Variants in POU3F3 observed in about 807,000 individuals in gnomAD.
POU3F3 encodes POU class 3 homeobox 3, also known as POU domain, class 3, transcription factor 3.
POU3F3 carries 1 observed loss-of-function variant against 8.6 expected under a neutral mutation model. The observed-to-expected ratio is 0.12, with a 90% confidence interval of 0.04 to 0.55. The LOEUF (loss-of-function observed/expected upper bound fraction) is 0.55, where lower values mean the gene tolerates loss of function less well. Among genes scored for constraint, POU3F3 ranks in the 20% least tolerant of loss-of-function variants. The pLI is 0.91. For missense variants in POU3F3, 577 were observed against 690.7 expected, an observed-to-expected ratio of 0.84 and a Z score of 1.84; for synonymous variants, 418 against 327.4, an observed-to-expected ratio of 1.28 and a Z score of -2.99.
chr2:104,921,533 T>C, the POU3F3 span, among the ~76,000 whole-genome samples: 1 of 152,166 alleles, frequency 6.6e-6, no homozygotes, highest in Admixed American at 6.5e-5. Context: ...ATACATGGGT[T>C]CCTGGAGCAG....
Position 104,858,262 on chromosome 2 carries a change from C to T in POU3F3, c.*1249C>T, listed in dbSNP as rs541891446. ...TTTTTGGTAGGTTTTAATAAACAGACTTTTCAAAAGACGGCAATATAGAAT... is the reference window on the plus strand; with the variant it reads ...TTTTTGGTAGGTTTTAATAAACAGATTTTTCAAAAGACGGCAATATAGAAT... On this transcript the variant is annotated 3_prime_UTR_variant, in exon 1 of 1. Coordinates refer to ENST00000361360, the MANE Select transcript of POU3F3 (RefSeq NM_006236.3). 2.6e-5 allele frequency: 4 copies of T among 152,212 alleles called. No individual in the cohort carries two copies. The highest frequency in any genetic ancestry group is 1.3e-4 in the Admixed American group (2 of 15,304). 9.4% of individuals were successfully genotyped at this position (152,212 alleles called of 1,614,324 possible).
At chr2:104,923,121 G>A in the POU3F3 span, among the ~76,000 whole-genome samples, 2 of 152,078 alleles carry the variant, frequency 1.3e-5, no homozygotes, top group Non-Finnish European at 1.5e-5. Context: ...ATTACCACTA[G>A]GCCTACCCTG....
the POU3F3 span, among the ~76,000 whole-genome samples, chr2:104,898,876 T>C: frequency 1.3e-5 from 2 of 151,994 alleles, no homozygotes; most frequent in Non-Finnish European, 2.9e-5. Context: ...GGAATCAACA[T>C]TTTTTTTACC....
At chr2:104,917,674 C>A in the POU3F3 span, among the ~76,000 whole-genome samples, 1 of 152,128 alleles carries the variant, frequency 6.6e-6, no homozygotes, top group African/African-American at 2.4e-5. Context: ...TGAAACTATC[C>A]ACTTGGTTTC....
chr2:104,871,519 G>C, the POU3F3 span, among the ~76,000 whole-genome samples: 1,542 of 152,226 alleles, frequency 0.01, 37 homozygotes, highest in East Asian at 0.029. Context: ...TGATCTGATT[G>C]GTGCTTTATT....
the POU3F3 span, among the ~76,000 whole-genome samples, chr2:104,892,639 A>G: frequency 6.6e-6 from 1 of 150,582 alleles, no homozygotes; most frequent in Non-Finnish European, 1.5e-5. Context: ...CTGATTTTAT[A>G]TATATATATG....
At chr2:104,922,022 C>T in the POU3F3 span, among the ~76,000 whole-genome samples, 1 of 152,126 alleles carries the variant, frequency 6.6e-6, no homozygotes, top group Admixed American at 6.6e-5. Flanking sequence ...ACCACATATT[C>T]AGGAATTTAG....
At chr2:104,909,621 G>A in the POU3F3 span, among the ~76,000 whole-genome samples, 3 of 152,352 alleles carry the variant, frequency 2.0e-5, no homozygotes, top group Admixed American at 2.0e-4. Context: ...ACTGGCTGCG[G>A]GCTGGGCCAG....
At chr2:104,893,041 G>A in the POU3F3 span, among the ~76,000 whole-genome samples, 1 of 152,170 alleles carries the variant, frequency 6.6e-6, no homozygotes, top group Admixed American at 6.5e-5. Context: ...CCCAAAATGT[G>A]TAAGGAGAGG....
the POU3F3 span, among the ~76,000 whole-genome samples, chr2:104,896,163 G>A: frequency 3.9e-5 from 6 of 152,362 alleles, 1 homozygote; most frequent in South Asian, 1.2e-3. Context: ...CCAGCTCCAA[G>A]GAAGCCAGAA....
the POU3F3 span, among the ~76,000 whole-genome samples, chr2:104,877,227 G>A: frequency 6.6e-6 from 1 of 152,184 alleles, no homozygotes; most frequent in Non-Finnish European, 1.5e-5. Context: ...AGAGAATCAC[G>A]GTGGGTAGGA....
chr2:104,924,487 G>A, the POU3F3 span, among the ~76,000 whole-genome samples: 1 of 152,110 alleles, frequency 6.6e-6, no homozygotes, highest in African/African-American at 2.4e-5. Context: ...CCCTCCCTTG[G>A]CCTACTCTGA....
At chr2:104,873,345 G>T in the POU3F3 span, among the ~76,000 whole-genome samples, 1 of 152,176 alleles carries the variant, frequency 6.6e-6, no homozygotes, top group Admixed American at 6.5e-5. Context: ...CTCCGGGAGA[G>T]TGGCCAGGGC....
the POU3F3 span, among the ~76,000 whole-genome samples, chr2:104,886,429 C>G: frequency 6.6e-6 from 1 of 152,236 alleles, no homozygotes; most frequent in East Asian, 1.9e-4. Context: ...TCCATAGAGC[C>G]TACGTGTGTA....
In POU3F3 at chr2:104,856,560, C is replaced by G; in HGVS notation, c.1050C>G (p.Leu350=). Residue 350 remains leucine (L), a synonymous_variant, in exon 1 of 1, where the codon CTC becomes CTG. Coordinates refer to ENST00000361360, the MANE Select transcript of POU3F3 (RefSeq NM_006236.3). ...ACGTGGGGTTGGCGCTGGGCACACT[C>G]TACGGCAACGTGTTCTCGCAGACCA... The part of the protein sequence containing the change: ...QADVGLALGT[L]YGNVFSQTTI... 1 of 1,614,168 alleles carries G rather than the reference C, an allele frequency of 6.2e-7. No homozygotes were observed. Among genetic ancestry groups the G allele is most frequent in the East Asian group, 2.2e-5 (1 of 44,878 alleles).
the POU3F3 span, chr2:104,872,533 C>T: frequency 3.0e-6 from 1 of 329,656 alleles, no homozygotes; most frequent in African/African-American, 2.2e-5. The surrounding 1 kb of genome is among the most constrained non-coding windows in gnomAD (Gnocchi z 4.6). Flanking sequence ...TTTCCTCCCG[C>T]TAACCCCCGC....
At chr2:104,872,353 G>GGCTCTGA in the POU3F3 span, 1 of 456,520 alleles carries the variant, frequency 2.2e-6, no homozygotes, top group Non-Finnish European at 4.4e-6. The surrounding 1 kb of genome is among the most constrained non-coding windows in gnomAD (Gnocchi z 4.6). Context: ...ACACACTTCG[G>GGCTCTGA]GCTCTGAGCT....
the POU3F3 span, among the ~76,000 whole-genome samples, chr2:104,918,298 ATTAT>A: frequency 6.6e-6 from 1 of 152,236 alleles, no homozygotes; most frequent in African/African-American, 2.4e-5. Context: ...TAAGAGACAA[ATTAT>A]TTATCCTTGA....
At position 104,857,036 on chromosome 2, in the gene POU3F3, G is replaced by GGCCGCC. The variant is rs748277563; in HGVS notation, c.*36_*41dup. 2,199 of 1,454,848 alleles carry GGCCGCC rather than the reference G, an allele frequency of 1.5e-3. 3 individuals are homozygous for GGCCGCC. The highest frequency in any genetic ancestry group is 1.9e-3 in the Non-Finnish European group (2,061 of 1,098,070). The allele number at this position is 1,454,848 out of a possible 1,614,324, so 90.1% of individuals were successfully genotyped here. On this transcript the variant is annotated 3_prime_UTR_variant, in exon 1 of 1. Transcript: ENST00000361360. Reference sequence around the variant, plus strand: ...TGAAGCCAGGGCGCAGAGCGAAGAGGGCCGCCGCCGCCGCCGCCTCCGCAG... The same window carrying GGCCGCC: ...TGAAGCCAGGGCGCAGAGCGAAGAGGGCCGCCGCCGCCGCCGCCGCCGCCTCCGCAG...
Sources: gnomAD v4.1 joint callset for allele counts (sites outside exome capture counted in the v4.1 genomes callset) on GRCh38, gnomAD v4.1.1 for gene constraint, Gnocchi (gnomAD v3.1) non-coding constraint, MANE v1.5 for transcripts, NCBI Gene and HGNC (gene_info 2026-07-23, HGNC 2026-07-21) for gene names.